SASH1: variants seen among roughly 807,000 people sequenced by gnomAD.
SASH1 encodes SAM and SH3 domain containing 1.
SASH1 carries 44 observed loss-of-function variants against 125.2 expected under a neutral mutation model. The ratio of observed to expected loss-of-function variants is 0.35; its 90% confidence interval spans 0.28 to 0.45. SASH1 has a LOEUF of 0.45. Ranked by LOEUF, SASH1 falls within the 20% of genes least tolerant of loss-of-function variation. SASH1 has a pLI of 1.00. For missense variants in SASH1, 1,426 were observed against 1,614.5 expected (o/e 0.88, Z 2.00); for synonymous variants, 639 against 649.1 (o/e 0.98, Z 0.24).
At chr6:148,482,414 G>T (rs9322151) in intron 7 of SASH1, among the ~76,000 whole-genome samples, 111,923 of 152,166 alleles carry the variant, frequency 0.74, 42,154 homozygotes, top group African/African-American at 0.9. Flanking sequence ...ATGTATGTGA[G>T]TCCAACAAGA....
At chr6:148,279,577 C>A (rs1180190818) in intron 1 of SASH1, among the ~76,000 whole-genome samples, 2 of 152,114 alleles carry the variant, frequency 1.3e-5, no homozygotes, top group African/African-American at 4.8e-5. Context: ...CGCTGGGAAA[C>A]AAAAATCCCA....
At chr6:148,445,527 A>C (rs1171382352) in intron 4 of SASH1, among the ~76,000 whole-genome samples, 1 of 152,210 alleles carries the variant, frequency 6.6e-6, no homozygotes, top group Admixed American at 6.5e-5. Flanking sequence ...AAACCTGACA[A>C]ATAGTGATTC....
At chr6:148,379,474 G>A (rs928464564) in intron 1 of SASH1, among the ~76,000 whole-genome samples, 16 of 152,164 alleles carry the variant, frequency 1.1e-4, no homozygotes, top group East Asian at 5.8e-4. Context: ...GACAAGAATC[G>A]TGACTAGAAG....
At chr6:148,480,356 A>T (rs1778566311) in intron 7 of SASH1, 1 of 151,712 alleles carries the variant, frequency 6.6e-6, no homozygotes, top group Admixed American at 6.6e-5. Flanking sequence ...ATTGAAACTT[A>T]TTTAATCACC....
intron 8 of SASH1, chr6:148,513,106 T>C: frequency 1.0e-6 from 1 of 985,470 alleles, no homozygotes; most frequent in Non-Finnish European, 1.2e-6. Flanking sequence ...TGAGGTATTC[T>C]CTGCAACTCT....
chr6:148,324,562 T>C (rs1780746761), intron 1 of SASH1, among the ~76,000 whole-genome samples: 1 of 152,154 alleles, frequency 6.6e-6, no homozygotes, highest in African/African-American at 2.4e-5. Context: ...TCTTCTCCAC[T>C]CCAGCCTTAT....
chr6:148,413,245 T>C (rs189756370), intron 2 of SASH1, among the ~76,000 whole-genome samples: 21 of 152,294 alleles, frequency 1.4e-4, no homozygotes, highest in African/African-American at 5.1e-4. Flanking sequence ...AACTTTTGAT[T>C]GGGAGAATGA....
the SASH1 span, among the ~76,000 whole-genome samples, chr6:148,213,352 T>G: frequency 1.3e-4 from 20 of 152,188 alleles, no homozygotes; most frequent in Non-Finnish European, 2.4e-4. Flanking sequence ...AGAATCTGTA[T>G]TCTCCGCTTT....
At chr6:148,197,495 T>C in the SASH1 span, among the ~76,000 whole-genome samples, 3 of 152,140 alleles carry the variant, frequency 2.0e-5, no homozygotes, top group African/African-American at 7.2e-5. Flanking sequence ...TCTAGAAAAT[T>C]CTCCAGGTAT....
At chr6:148,516,097 T>C (rs1780420613) in intron 9 of SASH1, among the ~76,000 whole-genome samples, 1 of 152,334 alleles carries the variant, frequency 6.6e-6, no homozygotes, top group African/African-American at 2.4e-5. Context: ...AGGAAAAATA[T>C]AGCAAAAGGG....
intron 1 of SASH1, among the ~76,000 whole-genome samples, chr6:148,354,089 C>T (rs1051488589): frequency 6.6e-6 from 1 of 152,060 alleles, no homozygotes; most frequent in African/African-American, 2.4e-5. Context: ...CCCTTGAGCC[C>T]ATGAGGTCAA....
chr6:148,380,173 G>A (rs574774470), intron 1 of SASH1, among the ~76,000 whole-genome samples: 9 of 152,142 alleles, frequency 5.9e-5, no homozygotes, highest in East Asian at 1.9e-4. Context: ...CAGTTGCGCC[G>A]GGGAGCTGTG....
At chr6:148,356,240 A>G (rs1781931889) in intron 1 of SASH1, among the ~76,000 whole-genome samples, 1 of 151,866 alleles carries the variant, frequency 6.6e-6, no homozygotes. Context: ...ACACACCACC[A>G]TACCTGGCTA....
intron 1 of SASH1, among the ~76,000 whole-genome samples, chr6:148,293,824 A>G (rs9399644): frequency 0.5 from 75,816 of 152,046 alleles, 19,625 homozygotes; most frequent in East Asian, 0.65. Context: ...TAGAACAACT[A>G]TGCCAGCCGT....
At chr6:148,326,660 C>T (rs1239550249) in intron 1 of SASH1, among the ~76,000 whole-genome samples, 1 of 151,890 alleles carries the variant, frequency 6.6e-6, no homozygotes, top group Non-Finnish European at 1.5e-5. Context: ...CGTCGGCCTT[C>T]CAAAGTGCTG....
At chr6:148,485,988 A>G (rs1467202378) in intron 7 of SASH1, among the ~76,000 whole-genome samples, 1 of 152,244 alleles carries the variant, frequency 6.6e-6, no homozygotes, top group Non-Finnish European at 1.5e-5. Flanking sequence ...ATTTCTGTGT[A>G]ACACTCTCTC....
chr6:148,341,327 T>G (rs535616018), upstream of SASH1, among the ~76,000 whole-genome samples: 46 of 147,518 alleles, frequency 3.1e-4, no homozygotes, highest in East Asian at 7.9e-4. Context: ...GTTTTTTTTT[T>G]TTGTTTTTTT....
At position 148,279,479 on chromosome 6, in the gene SASH1, G is replaced by A. The variant is rs141796784; in HGVS notation, n.74+7102G>A. On this transcript the variant is annotated intron_variant and non_coding_transcript_variant, in intron 1 of 3. Transcript: ENST00000367469. ...TTGGCCAAGCCAACTCAGCTATCCC[G>A]TTAGGTTCTGGTTGCCATGGGGTAG... Among the ~76,000 whole-genome samples the A allele has an allele frequency of 8.8e-4, 134 of 152,270 alleles. 1 individual carries two copies. The East Asian group carries it at 0.014, about 16-fold the overall frequency.
intron 1 of SASH1, among the ~76,000 whole-genome samples, chr6:148,308,616 G>A (rs1780209983): frequency 6.6e-6 from 1 of 150,842 alleles, no homozygotes; most frequent in Non-Finnish European, 1.5e-5. Context: ...GGCTGGTCTC[G>A]AACTCCTGAC....
Sources: gnomAD v4.1 joint callset for allele counts (sites outside exome capture counted in the v4.1 genomes callset) on GRCh38, gnomAD v4.1.1 for gene constraint, MANE v1.5 for transcripts, NCBI Gene and HGNC (gene_info 2026-07-23, HGNC 2026-07-21) for gene names.